The following CCDC171 variants were observed in gnomAD, a reference collection of about 807,000 sequenced individuals.
CCDC171 encodes coiled-coil domain containing 171.
Under a neutral mutation model 168.2 loss-of-function variants are expected in CCDC171, and 177 were observed. That is an observed-to-expected ratio of 1.05 (90% CI 0.93 to 1.19). CCDC171 has a LOEUF of 1.19. CCDC171 is among the 50% of genes most tolerant of loss of function. The probability of loss-of-function intolerance (pLI) is 0.00; values close to 1 mark genes in which losing one functional copy is unlikely to be tolerated. For missense variants in CCDC171, 1,991 were observed against 1,539.0 expected (o/e 1.29, Z -4.91); for synonymous variants, 687 against 540.8 (o/e 1.27, Z -3.75).
chr9:15,647,927 T>A (rs1335244989), intron 7 of CCDC171, among the ~76,000 whole-genome samples: 2 of 152,170 alleles, frequency 1.3e-5, no homozygotes, highest in Non-Finnish European at 2.9e-5. Context: ...TACCAAAGCC[T>A]GGCAGAGACA....
intron 25 of CCDC171, among the ~76,000 whole-genome samples, chr9:15,955,804 G>C (rs1339233813): frequency 6.6e-6 from 1 of 152,038 alleles, no homozygotes; most frequent in Non-Finnish European, 1.5e-5. Flanking sequence ...GATGTGATAA[G>C]GTGCTTTCTA....
chr9:15,784,547 A>G lies in CCDC171; in HGVS notation c.3120A>G (p.Glu1040=). 1 of 1,613,296 alleles carries G rather than the reference A, an allele frequency of 6.2e-7. No individual in the cohort carries two copies. The highest frequency in any genetic ancestry group is 8.5e-7 in the Non-Finnish European group (1 of 1,179,502). ...ITHEKFESAC[E]ELNNALLREE... ...ATGAGAAGTTTGAAAGTGCATGTGA[A>G]GAACTAAATAATGCATTACTTCGGG... The change falls in exon 21 of 26, where the codon GAA becomes GAG. Residue 1040 remains glutamate (E), a synonymous_variant. Coordinates refer to ENST00000380701, the MANE Select transcript of CCDC171 (RefSeq NM_173550.4).
downstream of CCDC171, among the ~76,000 whole-genome samples, chr9:15,974,342 CA>C (rs975566736): frequency 2.0e-5 from 3 of 152,086 alleles, no homozygotes; most frequent in Admixed American, 6.6e-5. Context: ...CCTTAGTGAC[CA>C]ATTGCTGCAT....
At chr9:15,988,249 A>T (rs1304476147) in intron 3 of CCDC171, among the ~76,000 whole-genome samples, 1 of 152,200 alleles carries the variant, frequency 6.6e-6, no homozygotes, top group Non-Finnish European at 1.5e-5. Flanking sequence ...TGTTTTGATT[A>T]AAAGGCTACT....
At chr9:15,741,999 A>G (rs534768825) in intron 16 of CCDC171, among the ~76,000 whole-genome samples, 1 of 152,314 alleles carries the variant, frequency 6.6e-6, no homozygotes, top group East Asian at 1.9e-4. Flanking sequence ...TGCCTGAGAC[A>G]CTGAGGTTCA....
intron 24 of CCDC171, among the ~76,000 whole-genome samples, chr9:15,911,044 C>T (rs532176430): frequency 1.3e-5 from 2 of 152,242 alleles, no homozygotes; most frequent in African/African-American, 4.8e-5. Context: ...GATTTATAAT[C>T]CTTTGGGTAT....
chr9:15,633,724 C>A (rs1012140694), intron 7 of CCDC171, among the ~76,000 whole-genome samples: 1 of 152,138 alleles, frequency 6.6e-6, no homozygotes, highest in East Asian at 1.9e-4. Flanking sequence ...CACATGCACA[C>A]GTATGTTTAT....
At chr9:15,902,462 T>C (rs943722235) in intron 24 of CCDC171, among the ~76,000 whole-genome samples, 1 of 152,186 alleles carries the variant, frequency 6.6e-6, no homozygotes, top group Non-Finnish European at 1.5e-5. Flanking sequence ...TTTGTTTGAT[T>C]GATAGGTAGT....
intron 11 of CCDC171, among the ~76,000 whole-genome samples, chr9:15,706,053 C>G (rs921957436): frequency 6.6e-6 from 1 of 152,182 alleles, no homozygotes; most frequent in Non-Finnish European, 1.5e-5. Context: ...GAAATGCCAT[C>G]TTGATTGCCT....
chr9:15,638,393 C>T (rs143399391), intron 7 of CCDC171, among the ~76,000 whole-genome samples: 1,828 of 151,984 alleles, frequency 0.012, 28 homozygotes, highest in Non-Finnish European at 0.013. Flanking sequence ...CACTCAATTG[C>T]GGAGACAATC....
At chr9:15,655,088 C>T (rs572454287) in intron 7 of CCDC171, among the ~76,000 whole-genome samples, 2 of 151,836 alleles carry the variant, frequency 1.3e-5, no homozygotes, top group Non-Finnish European at 2.9e-5. Context: ...TGTTAAATGA[C>T]GAGTTAATGG....
intron 3 of CCDC171, among the ~76,000 whole-genome samples, chr9:15,984,177 C>A (rs1251396143): frequency 6.6e-6 from 1 of 152,238 alleles, no homozygotes; most frequent in African/African-American, 2.4e-5. Context: ...AATGTGAGGT[C>A]TGACAGATAA....
At chr9:16,003,980 G>C (rs1391935336) in intron 3 of CCDC171, among the ~76,000 whole-genome samples, 1 of 152,156 alleles carries the variant, frequency 6.6e-6, no homozygotes, top group Non-Finnish European at 1.5e-5. Flanking sequence ...CACCCCACAG[G>C]GACTGCAGCC....
At chr9:15,792,025 G>A (rs565236108) in intron 21 of CCDC171, among the ~76,000 whole-genome samples, 5 of 152,242 alleles carry the variant, frequency 3.3e-5, no homozygotes, top group South Asian at 4.2e-4. Context: ...AAACTTCTCC[G>A]AGCTAAAGGA....
At chr9:15,726,551 A>G (rs2134268839) in intron 14 of CCDC171, among the ~76,000 whole-genome samples, 1 of 152,280 alleles carries the variant, frequency 6.6e-6, no homozygotes, top group Middle Eastern at 3.4e-3. Flanking sequence ...GGTATAGCAT[A>G]TTTGTGAAAA....
intron 25 of CCDC171, among the ~76,000 whole-genome samples, chr9:15,968,839 G>A (rs895990241): frequency 1.3e-5 from 2 of 152,026 alleles, no homozygotes; most frequent in Non-Finnish European, 2.9e-5. Flanking sequence ...ATCCCCAGCC[G>A]GTGGCTTCTT....
intron 4 of CCDC171, chr9:15,588,238 G>T: frequency 6.2e-6 from 1 of 161,702 alleles, no homozygotes; most frequent in Non-Finnish European, 1.3e-5. Flanking sequence ...CTGTCTCAAA[G>T]AATTTAAAAA....
chr9:15,700,499 G>A (rs907421810), intron 11 of CCDC171, among the ~76,000 whole-genome samples: 97 of 152,348 alleles, frequency 6.4e-4, no homozygotes, highest in Non-Finnish European at 6.9e-4. Flanking sequence ...ACAGTGCAGC[G>A]GTGGGCTGAA....
In CCDC171 at chr9:16,051,065, G is replaced by C. The variant is rs949418214; in HGVS notation, n.89+8179G>C. On this transcript the variant is annotated intron_variant and non_coding_transcript_variant, in intron 1 of 1. Transcript: ENST00000478913. Reference sequence around the variant, plus strand: ...TTTATTGCCTATTTTACTGTACAAAGTGGCCTATGCAGTGTTTATCATATT... The same window carrying C: ...TTTATTGCCTATTTTACTGTACAAACTGGCCTATGCAGTGTTTATCATATT... 2.0e-5 allele frequency among the ~76,000 whole-genome samples: 3 copies of C among 152,100 alleles called. No individual in the cohort carries two copies. The South Asian group carries it at 6.2e-4, about 32-fold the overall frequency.
Sources: allele counts gnomAD v4.1 joint callset (sites outside exome capture counted in the v4.1 genomes callset), GRCh38; gene constraint gnomAD v4.1.1; transcripts MANE v1.5; gene names NCBI Gene and HGNC (gene_info 2026-07-23, HGNC 2026-07-21).